The following PIK3R5 variants were observed in gnomAD, a reference collection of about 807,000 sequenced individuals.
PIK3R5 encodes phosphoinositide-3-kinase regulatory subunit 5.
PIK3R5 carries 32 observed loss-of-function variants against 94.9 expected under a neutral mutation model. That is an observed-to-expected ratio of 0.34 (90% CI 0.25 to 0.45). The LOEUF (loss-of-function observed/expected upper bound fraction) is 0.45, where lower values mean the gene tolerates loss of function less well. PIK3R5 is among the 20% of genes least tolerant of loss of function. PIK3R5 has a pLI of 1.00. For synonymous variants in PIK3R5, 443 were observed against 479.4 expected (o/e 0.92, Z 0.99); for missense variants, 853 against 1,144.6 (o/e 0.75, Z 3.68).
intron 1 of PIK3R5, among the ~76,000 whole-genome samples, chr17:8,937,920 C>T (rs1000157184): frequency 1.3e-5 from 2 of 152,196 alleles, no homozygotes; most frequent in Non-Finnish European, 2.9e-5. Context: ...AGTGATTCTC[C>T]TGCCTCAGCC....
intron 1 of PIK3R5, among the ~76,000 whole-genome samples, chr17:8,944,957 G>A (rs916130028): frequency 7.9e-5 from 12 of 152,184 alleles, no homozygotes; most frequent in Admixed American, 6.5e-4. Context: ...GCAGATGAAC[G>A]TCCAGCAAGT....
rs1411230882 is a variant in PIK3R5 at position 8,925,430 on chromosome 17, GGAGA to G, written c.-13-13927_-13-13924del. On this transcript the variant is annotated intron_variant, in intron 1 of 18. Transcript: ENST00000447110. The surrounding 1 kb of genome is among the most constrained non-coding windows in gnomAD (Gnocchi z 5.1). ...GTAGATGGATAGGTAGATAGTAGAT[GGAGA>G]GATAGATAGTAGATGGATAGATAGT... Among the ~76,000 whole-genome samples the G allele has an allele frequency of 1.4e-5, 2 of 145,062 alleles. No individual in the cohort carries two copies. Among genetic ancestry groups the G allele is most frequent in the Non-Finnish European group, 3.1e-5 (2 of 65,506 alleles).
intron 3 of PIK3R5, 34 bp from the exon 4 acceptor site, chr17:8,905,771 T>C (rs965841765): frequency 2.0e-6 from 3 of 1,484,182 alleles, no homozygotes; most frequent in African/African-American, 1.4e-5. Context: ...ATGAGCCTCA[T>C]TCACGGGGTC....
chr17:8,948,391 G>A (rs1296507551), intron 1 of PIK3R5, among the ~76,000 whole-genome samples: 2 of 152,168 alleles, frequency 1.3e-5, no homozygotes, highest in Admixed American at 6.5e-5. Context: ...GGCACTGGGG[G>A]TCCAGAAATC....
intron 11 of PIK3R5, 86 bp downstream of exon 11, chr17:8,887,435 G>T: frequency 6.9e-7 from 1 of 1,451,468 alleles, no homozygotes; most frequent in Non-Finnish European, 9.3e-7. Flanking sequence ...CAACACAGGT[G>T]CTTGCTTTCC....
Position 8,890,205 on chromosome 17 carries a change from C to T in PIK3R5, c.658-79G>A. ...ACCTGTTCCAGTTGCTAGCTTCTTACTGAGGGAGGCAGTGATCTGTCCCCT... is the reference window on the plus strand; with the variant it reads ...ACCTGTTCCAGTTGCTAGCTTCTTATTGAGGGAGGCAGTGATCTGTCCCCT... On this transcript the variant is annotated intron_variant, in intron 7 of 18. Transcript: ENST00000447110. This position sits in a 1 kb window ranked among gnomAD's most constrained non-coding sequence, Gnocchi z 6.1. 1 of 1,475,916 alleles carries T rather than the reference C, an allele frequency of 6.8e-7. No individual in the cohort carries two copies. Among genetic ancestry groups the T allele is most frequent in the Non-Finnish European group, 9.3e-7 (1 of 1,072,738 alleles). The allele number at this position is 1,475,916 out of a possible 1,614,324, so 91.4% of individuals were successfully genotyped here.
rs1018814959 is a variant in PIK3R5, at chr17:8,886,709, C to G, written c.1906-104G>C. 6 of 1,304,322 alleles carry G rather than the reference C, an allele frequency of 4.6e-6. No individual in the cohort carries two copies. In the African/African-American group the frequency reaches 8.9e-5, roughly 19 times the overall value. The allele number at this position is 1,304,322 out of a possible 1,614,324, so 80.8% of individuals were successfully genotyped here. Reference sequence around the variant, plus strand: ...AGAGAGAAGAGAGACATAGAGGCAGCCAGTCAGGGGGAGCTGGTGAGGTGG... The same window carrying G: ...AGAGAGAAGAGAGACATAGAGGCAGGCAGTCAGGGGGAGCTGGTGAGGTGG... On this transcript the variant is annotated intron_variant, in intron 12 of 18. Coordinates refer to ENST00000447110, the MANE Select transcript of PIK3R5 (RefSeq NM_001142633.3).
Position 8,945,948 on chromosome 17 carries a change from G to A in PIK3R5, c.-14+19648C>T, listed in dbSNP as rs572770737. 4.6e-5 allele frequency among the ~76,000 whole-genome samples: 7 copies of A among 152,266 alleles called. No homozygotes were observed. The highest frequency in any genetic ancestry group is 3.9e-4 in the Admixed American group (6 of 15,306). On this transcript the variant is annotated intron_variant, in intron 1 of 18. Transcript: ENST00000447110. The surrounding 1 kb of genome is among the most constrained non-coding windows in gnomAD (Gnocchi z 4.0). ...CCATCTGGACGTTGCCATGATGTAA[G>A]GAAGCCCAAACCACATGGAGAGGCC...
Position 8,890,604 on chromosome 17 carries a change from G to T in PIK3R5, c.657+134C>A. The T allele has an allele frequency of 1.2e-6, 1 of 810,878 alleles. No homozygotes were observed. Among genetic ancestry groups the T allele is most frequent in the Non-Finnish European group, 1.9e-6 (1 of 528,226 alleles). The allele number at this position is 810,878 out of a possible 1,614,324, so 50.2% of individuals were successfully genotyped here. On this transcript the variant is annotated intron_variant, in intron 7 of 18. Transcript: ENST00000447110. The surrounding 1 kb of genome is among the most constrained non-coding windows in gnomAD (Gnocchi z 6.1). ...CACCCTCTATGAGGTCAGCCCTCCA[G>T]CCACCACCCTGCCATGTCACCTGGG...
rs532455403 is a variant in PIK3R5 at position 8,911,725 on chromosome 17, A to G, written c.-13-218T>C. On this transcript the variant is annotated intron_variant, in intron 1 of 18. Transcript: ENST00000447110. This position sits in a 1 kb window ranked among gnomAD's most constrained non-coding sequence, Gnocchi z 5.3. The stretch of plus-strand genomic sequence containing the variant: ...GAGTGGCAGGACAGAGCACCCCTGC[A>G]GCAGAACGGGACAGAGGTGTGGGAA... The G allele has an allele frequency of 6.8e-4, 353 of 517,728 alleles. No homozygotes were observed. Among genetic ancestry groups the G allele is most frequent in the African/African-American group, 6.0e-3 (311 of 51,796 alleles). 32.1% of individuals were successfully genotyped at this position (517,728 alleles called of 1,614,324 possible).
At chr17:8,948,698 C>T (rs2091321688) in intron 1 of PIK3R5, among the ~76,000 whole-genome samples, 1 of 152,170 alleles carries the variant, frequency 6.6e-6, no homozygotes, top group Non-Finnish European at 1.5e-5. Flanking sequence ...CACGCAAACC[C>T]TCACGGCTGC....
Position 8,904,760 on chromosome 17 carries a change from G to C in PIK3R5, c.412+17C>G, listed in dbSNP as rs1282487942. 11 of 1,612,858 alleles carry C rather than the reference G, an allele frequency of 6.8e-6. No individual in the cohort carries two copies. The highest frequency in any genetic ancestry group is 9.3e-6 in the Non-Finnish European group (11 of 1,179,188). ...CTTCTGAGCCCTGTCCCCCGTGCCA[G>C]CTGCCTCAGTGCTTACCTGGGGCCT... On this transcript the variant is annotated intron_variant, in intron 5 of 18. Coordinates refer to ENST00000447110, the MANE Select transcript of PIK3R5 (RefSeq NM_001142633.3). The surrounding 1 kb of genome is among the most constrained non-coding windows in gnomAD (Gnocchi z 5.1).
chr17:8,884,667 G>A lies in PIK3R5; in HGVS notation c.2205+40C>T. 6.7e-7 allele frequency: 1 copy of A among 1,489,792 alleles called. No individual in the cohort carries two copies. The highest frequency in any genetic ancestry group is 9.4e-7 in the Non-Finnish European group (1 of 1,068,314). The allele number at this position is 1,489,792 out of a possible 1,614,324, so 92.3% of individuals were successfully genotyped here. On this transcript the variant is annotated intron_variant, in intron 15 of 18. Transcript: ENST00000447110. This position sits in a 1 kb window ranked among gnomAD's most constrained non-coding sequence, Gnocchi z 5.8. Reference sequence around the variant, plus strand: ...AGCTCTGGCGGAGGAAGTATCAGCAGCAGATCCTGGAGGGGAAGGAGCCCC... The same window carrying A: ...AGCTCTGGCGGAGGAAGTATCAGCAACAGATCCTGGAGGGGAAGGAGCCCC...
chr17:8,952,688 T>C (rs574145469), intron 1 of PIK3R5, among the ~76,000 whole-genome samples: 2 of 152,164 alleles, frequency 1.3e-5, no homozygotes, highest in Non-Finnish European at 2.9e-5. Context: ...TGAGAATAAA[T>C]TATGGGCATT....
intron 3 of PIK3R5, among the ~76,000 whole-genome samples, chr17:8,906,262 T>C (rs1312402001): frequency 3.3e-5 from 5 of 152,234 alleles, no homozygotes; most frequent in African/African-American, 1.2e-4. Context: ...GTGTTTGGTT[T>C]TCTGTTCCTG....
chr17:8,904,540 C>T lies in PIK3R5; in HGVS notation c.412+237G>A, dbSNP rs8066184. Among the ~76,000 whole-genome samples the T allele has an allele frequency of 0.013, 1,990 of 152,306 alleles. 48 individuals carry two copies. Among genetic ancestry groups the T allele is most frequent in the African/African-American group, 0.045 (1,882 of 41,554 alleles). On this transcript the variant is annotated intron_variant, in intron 5 of 18. Coordinates refer to ENST00000447110, the MANE Select transcript of PIK3R5 (RefSeq NM_001142633.3). The surrounding 1 kb of genome is among the most constrained non-coding windows in gnomAD (Gnocchi z 5.1). ...TTGCCCTGAGTGCCTGCTCCTACTT[C>T]CCCTAACAATCCCTCCTCGAGTTAC...
At chr17:8,903,092 G>A (rs1296919945) in intron 5 of PIK3R5, among the ~76,000 whole-genome samples, 11 of 151,928 alleles carry the variant, frequency 7.2e-5, no homozygotes, top group African/African-American at 2.2e-4. Context: ...TGATCTGCCC[G>A]CCTTGGCGTC....
chr17:8,899,953 G>A (rs1235632416), intron 5 of PIK3R5, among the ~76,000 whole-genome samples: 1 of 151,962 alleles, frequency 6.6e-6, no homozygotes, highest in Non-Finnish European at 1.5e-5. Flanking sequence ...CAGAAGAATC[G>A]CTTGAACCCA....
In PIK3R5 at chr17:8,888,465, C is replaced by T. The variant is rs371299638; in HGVS notation, c.1322G>A (p.Arg441Gln). The T allele has an allele frequency of 1.2e-5, 19 of 1,600,458 alleles. No homozygotes were observed. The highest frequency in any genetic ancestry group is 3.3e-4 in the Middle Eastern group (2 of 6,026). The change falls in exon 10 of 19, where the codon CGG becomes CAG. Residue 441 changes from arginine (R) to glutamine (Q), a missense_variant. Physicochemically the swap from Arg to Gln is conservative, Grantham distance 43 (BLOSUM62 1). This residue lies in a region of PIK3R5 where 319 missense variants were observed against 339.8 expected (regional missense o/e 0.94). Transcript: ENST00000447110. This position sits in a 1 kb window ranked among gnomAD's most constrained non-coding sequence, Gnocchi z 7.8. ...TSQLVLRRDSRSLEGSSDTAL... is the reference protein window; with the variant it reads ...TSQLVLRRDSQSLEGSSDTAL... Reference sequence around the variant, plus strand: ...CGTGTCCGAGCTGCCCTCCAGGCTCCGAGAGTCCCTCCGCAGTACCAGCTG... The same window carrying T: ...CGTGTCCGAGCTGCCCTCCAGGCTCTGAGAGTCCCTCCGCAGTACCAGCTG...
Sources: gnomAD v4.1 joint callset for allele counts (sites outside exome capture counted in the v4.1 genomes callset) on GRCh38, gnomAD v4.1.1 for gene constraint, gnomAD v4.1.1 regional missense constraint, Gnocchi (gnomAD v3.1) non-coding constraint, MANE v1.5 for transcripts, NCBI Gene and HGNC (gene_info 2026-07-23, HGNC 2026-07-21) for gene names.